Variants in NFASC observed in about 807,000 individuals in gnomAD.
NFASC encodes the protein neurofascin.
In NFASC, 43 loss-of-function variants were observed where a neutral mutation model predicts 147.5. The ratio of observed to expected loss-of-function variants is 0.29; its 90% confidence interval spans 0.23 to 0.38. The LOEUF is 0.38. Among genes scored for constraint, NFASC ranks in the 10% least tolerant of loss-of-function variants. The probability of loss-of-function intolerance (pLI) is 1.00; values close to 1 mark genes in which losing one functional copy is unlikely to be tolerated. For missense variants in NFASC, 1,320 were observed against 1,689.0 expected (o/e 0.78, Z 3.83); for synonymous variants, 622 against 665.5 (o/e 0.93, Z 1.01).
At chr1:204,878,686 C>T (rs937363860) in intron 1 of NFASC, among the ~76,000 whole-genome samples, 7 of 152,362 alleles carry the variant, frequency 4.6e-5, no homozygotes, top group Middle Eastern at 3.4e-3. Context: ...CTTGTTTCAT[C>T]CAGCGGATTC....
chr1:205,011,449 T>A lies in NFASC; in HGVS notation c.3422-1348T>A, dbSNP rs535076065. On this transcript the variant is annotated intron_variant, in intron 28 of 29. Transcript: ENST00000339876. ...GTTAGGGAAAAGGCTGCCTCCTCCG[T>A]CTGACAGTCAGACTTGGGTGGACTG... Among the ~76,000 whole-genome samples, 889 of 152,290 alleles carry A rather than the reference T, an allele frequency of 5.8e-3. 6 individuals carry two copies. Among genetic ancestry groups the A allele is most frequent in the Middle Eastern group, 0.014 (4 of 294 alleles).
intron 1 of NFASC, among the ~76,000 whole-genome samples, chr1:204,887,104 T>G (rs1022649130): frequency 2.0e-5 from 3 of 152,188 alleles, no homozygotes; most frequent in African/African-American, 7.2e-5. Context: ...CTCCAGAACT[T>G]TCTCATCTTC....
At chr1:204,880,356 T>C (rs1489364293) in intron 1 of NFASC, among the ~76,000 whole-genome samples, 3 of 152,172 alleles carry the variant, frequency 2.0e-5, no homozygotes, top group Non-Finnish European at 1.5e-5. Flanking sequence ...TAATTTCTTT[T>C]TTATTTATTT....
At chr1:204,911,704 G>A (rs2087550008) in intron 1 of NFASC, among the ~76,000 whole-genome samples, 2 of 152,002 alleles carry the variant, frequency 1.3e-5, no homozygotes, top group South Asian at 4.2e-4. Flanking sequence ...TTATTGAATT[G>A]GTGTTAATTC....
At chr1:204,936,454 G>A (rs2092848296) in intron 2 of NFASC, among the ~76,000 whole-genome samples, 1 of 151,850 alleles carries the variant, frequency 6.6e-6, no homozygotes, top group African/African-American at 2.4e-5. Flanking sequence ...TGTCCACCTC[G>A]GCCTCCCAAA....
chr1:204,836,196 T>C (rs1406151849), intron 1 of NFASC, among the ~76,000 whole-genome samples: 1 of 152,168 alleles, frequency 6.6e-6, no homozygotes, highest in Non-Finnish European at 1.5e-5. Context: ...CCTATGTTAG[T>C]AGAATTATTC....
At chr1:204,833,696 C>T (rs568056820) in intron 1 of NFASC, among the ~76,000 whole-genome samples, 8 of 152,224 alleles carry the variant, frequency 5.3e-5, no homozygotes, top group Admixed American at 1.3e-4. Flanking sequence ...TTCATTGGTG[C>T]CTCAGACCTG....
At position 204,987,264 on chromosome 1, in the gene NFASC, G is replaced by A. The variant is rs1221677911; in HGVS notation, c.2471-154G>A. On this transcript the variant is annotated intron_variant, in intron 21 of 29. Transcript: ENST00000339876. This position sits in a 1 kb window ranked among gnomAD's most constrained non-coding sequence, Gnocchi z 4.4. Reference sequence around the variant, plus strand: ...CTGGATGGGGCAATGGGCTCCGGTCGTCTCACGGTTCTCCCAGGCTTCAGT... The same window carrying A: ...CTGGATGGGGCAATGGGCTCCGGTCATCTCACGGTTCTCCCAGGCTTCAGT... The A allele has an allele frequency of 1.7e-5, 12 of 687,008 alleles. No homozygotes were observed. The highest frequency in any genetic ancestry group is 3.8e-5 in the South Asian group (2 of 52,512). 42.6% of individuals were successfully genotyped at this position (687,008 alleles called of 1,614,324 possible).
intron 25 of NFASC, chr1:205,000,956 G>A (rs1014415240): frequency 5.0e-6 from 3 of 596,632 alleles, no homozygotes; most frequent in Middle Eastern, 4.5e-4. Flanking sequence ...AGCGACCTCT[G>A]GCCTGGCCAC....
chr1:204,995,716 T>G (rs2095834008), intron 24 of NFASC, among the ~76,000 whole-genome samples: 2 of 152,176 alleles, frequency 1.3e-5, no homozygotes, highest in South Asian at 4.1e-4. Flanking sequence ...GGACTTGTAA[T>G]TTTGGAGACC....
chr1:204,872,750 G>A (rs1423659230), intron 1 of NFASC, among the ~76,000 whole-genome samples: 1 of 152,156 alleles, frequency 6.6e-6, no homozygotes, highest in Non-Finnish European at 1.5e-5. Context: ...GGAGGAATTG[G>A]TGAGATGGCC....
chr1:204,994,694 C>T (rs1416587931), intron 24 of NFASC, among the ~76,000 whole-genome samples: 1 of 152,158 alleles, frequency 6.6e-6, no homozygotes, highest in Non-Finnish European at 1.5e-5. Context: ...CTCGCTCTGT[C>T]GCCCAGGCTA....
chr1:204,944,472 G>GGGCA, intron 3 of NFASC, 66 bp downstream of exon 3: 2 of 402,580 alleles, frequency 5.0e-6, no homozygotes. Flanking sequence ...GGAGGGGAGG[G>GGGCA]AAGGTCAGAG....
At position 204,987,079 on chromosome 1, in the gene NFASC, A is replaced by G; in HGVS notation, c.2471-339A>G. On this transcript the variant is annotated intron_variant, in intron 21 of 29. Transcript: ENST00000339876. The surrounding 1 kb of genome is among the most constrained non-coding windows in gnomAD (Gnocchi z 4.4). Reference sequence around the variant, plus strand: ...AACAGCTGTAAGTGGTTCTCTACCTAGGAATGGCTCTGCCCAATTTCGAGG... The same window carrying G: ...AACAGCTGTAAGTGGTTCTCTACCTGGGAATGGCTCTGCCCAATTTCGAGG... The G allele has an allele frequency of 3.1e-6, 1 of 326,644 alleles. No individual in the cohort carries two copies. Among genetic ancestry groups the G allele is most frequent in the Non-Finnish European group, 5.7e-6 (1 of 174,940 alleles). 20.2% of individuals were successfully genotyped at this position (326,644 alleles called of 1,614,324 possible).
At position 204,952,017 on chromosome 1, in the gene NFASC, A is replaced by G; in HGVS notation, c.116A>G (p.Gln39Arg). The change falls in exon 5 of 30, where the codon CAG (glutamine) becomes CGG (arginine). Residue 39 changes from glutamine (Q) to arginine (R), a missense_variant. This residue lies in a region of NFASC where 981 missense variants were observed against 1,289.5 expected (regional missense o/e 0.76). Coordinates refer to ENST00000339876, the MANE Select transcript of NFASC (RefSeq NM_001005388.3). ...MDPSIQNELT[Q>R]PPTITKQSAK... ...TCCCTGTGCACTGTTGCAGTGACGC[A>G]GCCGCCAACCATCACCAAGCAGTCA... is the stretch of plus-strand genomic sequence containing the variant. The G allele has an allele frequency of 6.2e-7, 1 of 1,614,002 alleles. No individual in the cohort carries two copies. Among genetic ancestry groups the G allele is most frequent in the East Asian group, 2.2e-5 (1 of 44,872 alleles).
At chr1:204,995,128 T>TA (rs1363018008) in intron 24 of NFASC, among the ~76,000 whole-genome samples, 2 of 151,792 alleles carry the variant, frequency 1.3e-5, no homozygotes, top group Non-Finnish European at 2.9e-5. Context: ...TCAATTAAAA[T>TA]AAAAAAAATC....
At chr1:204,896,157 G>A (rs1242666826) in intron 1 of NFASC, among the ~76,000 whole-genome samples, 1 of 152,224 alleles carries the variant, frequency 6.6e-6, no homozygotes, top group Non-Finnish European at 1.5e-5. Flanking sequence ...GCTGAATGCA[G>A]AGAACTGAGG....
In NFASC at chr1:204,987,386, T is replaced by C; in HGVS notation, c.2471-32T>C. On this transcript the variant is annotated intron_variant, in intron 21 of 29. Coordinates refer to ENST00000339876, the MANE Select transcript of NFASC (RefSeq NM_001005388.3). This position sits in a 1 kb window ranked among gnomAD's most constrained non-coding sequence, Gnocchi z 4.4. ...CCTCATCCTCCCTGCCCCCTCCCCCTCATCTCCCCTGCTCTCTCCTCCTTC... is the reference window on the plus strand; with the variant it reads ...CCTCATCCTCCCTGCCCCCTCCCCCCCATCTCCCCTGCTCTCTCCTCCTTC... The C allele has an allele frequency of 2.8e-6, 4 of 1,451,438 alleles. No homozygotes were observed. Among genetic ancestry groups the C allele is most frequent in the East Asian group, 2.3e-5 (1 of 43,436 alleles). 89.9% of individuals were successfully genotyped at this position (1,451,438 alleles called of 1,614,324 possible).
In NFASC at chr1:204,981,835, G is replaced by A. The variant is rs569956025; in HGVS notation, c.2285G>A (p.Arg762His). ...ACCTCGGCCTTTGGCCCCAACCTGC[G>A]CTACATTGTCAAGTGGAGGCGGAGA... ...NATSAFGPNL[R>H]YIVKWRRRET... The change falls in exon 21 of 30, where the codon CGC becomes CAC. Residue 762 changes from arginine to histidine, a missense_variant. Coordinates refer to ENST00000339876, the MANE Select transcript of NFASC (RefSeq NM_001005388.3). The A allele has an allele frequency of 8.8e-6, 14 of 1,592,890 alleles. No individual in the cohort carries two copies. The highest frequency in any genetic ancestry group is 5.2e-5 in the Admixed American group (3 of 57,194).
Sources: gnomAD v4.1 joint callset for allele counts (sites outside exome capture counted in the v4.1 genomes callset) on GRCh38, gnomAD v4.1.1 for gene constraint, gnomAD v4.1.1 regional missense constraint, Gnocchi (gnomAD v3.1) non-coding constraint, MANE v1.5 for transcripts, NCBI Gene and HGNC (gene_info 2026-07-23, HGNC 2026-07-21) for gene names.